Variants in VTI1A observed in about 807,000 individuals in gnomAD.
VTI1A encodes the protein vesicle transport through interaction with t-SNAREs homolog 1A.
Under a neutral mutation model 34.9 loss-of-function variants are expected in VTI1A, and 22 were observed. The observed-to-expected ratio is 0.63, with a 90% CI of 0.45 to 0.90. The LOEUF (loss-of-function observed/expected upper bound fraction) is 0.90. VTI1A is among the 40% of genes least tolerant of loss of function. The pLI, the probability that VTI1A is intolerant of heterozygous loss-of-function variation, is 0.00. For synonymous variants in VTI1A, 87 were observed against 97.3 expected (o/e 0.89, Z 0.62); for missense variants, 268 against 275.6 (o/e 0.97, Z 0.20).
intron 3 of VTI1A, among the ~76,000 whole-genome samples, chr10:112,487,723 A>G (rs1446191906): frequency 1.3e-5 from 2 of 152,062 alleles, no homozygotes; most frequent in African/African-American, 4.8e-5. Context: ...CATTACTCCA[A>G]CTTAGTCTTT....
chr10:112,471,145 T>C (rs1400726224), intron 3 of VTI1A, among the ~76,000 whole-genome samples: 8 of 152,142 alleles, frequency 5.3e-5, no homozygotes, highest in Non-Finnish European at 1.5e-5. Flanking sequence ...TATTTTGGGG[T>C]GGCATATTTT....
chr10:112,755,229 C>T (rs1003995299), intron 7 of VTI1A, among the ~76,000 whole-genome samples: 2 of 151,902 alleles, frequency 1.3e-5, no homozygotes, highest in Non-Finnish European at 2.9e-5. Context: ...GCACTCCAGC[C>T]TGGGTGACAG....
chr10:112,535,176 TG>T (rs1186767824), intron 4 of VTI1A, among the ~76,000 whole-genome samples: 2 of 152,250 alleles, frequency 1.3e-5, no homozygotes, highest in African/African-American at 4.8e-5. Context: ...CTGGAATTCA[TG>T]TTTCTGAAAC....
intron 3 of VTI1A, among the ~76,000 whole-genome samples, chr10:112,495,916 A>G (rs1849000928): frequency 1.3e-5 from 2 of 152,206 alleles, no homozygotes; most frequent in Non-Finnish European, 2.9e-5. Context: ...AAAAGAGGGC[A>G]TTTTAACCAA....
intron 4 of VTI1A, among the ~76,000 whole-genome samples, chr10:112,528,408 T>C (rs1159826133): frequency 6.6e-6 from 1 of 152,034 alleles, no homozygotes; most frequent in African/African-American, 2.4e-5. Flanking sequence ...TCCTCCACTA[T>C]TTGGATGTTA....
intron 5 of VTI1A, among the ~76,000 whole-genome samples, chr10:112,561,929 C>G (rs1314049137): frequency 2.0e-5 from 3 of 152,088 alleles, no homozygotes; most frequent in African/African-American, 7.2e-5. Flanking sequence ...TTTCACTCCC[C>G]CAAAATTAAA....
intron 7 of VTI1A, among the ~76,000 whole-genome samples, chr10:112,743,459 C>T (rs763547851): frequency 1.3e-5 from 2 of 152,196 alleles, no homozygotes; most frequent in East Asian, 1.9e-4. Flanking sequence ...TGGTAAGGAC[C>T]GGGCTAGTCC....
the VTI1A span, chr10:112,825,485 G>A: frequency 6.6e-6 from 1 of 152,386 alleles, no homozygotes; most frequent in African/African-American, 2.4e-5. Flanking sequence ...GTGTGTCCTG[G>A]TACAAAATTT....
intron 5 of VTI1A, among the ~76,000 whole-genome samples, chr10:112,606,330 G>T (rs567760725): frequency 6.6e-6 from 1 of 151,738 alleles, no homozygotes; most frequent in African/African-American, 2.4e-5. Context: ...CGGCCATTGC[G>T]TGCTATTCTG....
downstream of VTI1A, among the ~76,000 whole-genome samples, chr10:112,822,154 A>G (rs4083480): frequency 0.78 from 119,164 of 151,990 alleles, 47,206 homozygotes; most frequent in African/African-American, 0.9. Context: ...TTTGGGAGAA[A>G]GGTTAGAAGG....
intron 5 of VTI1A, among the ~76,000 whole-genome samples, chr10:112,633,403 A>G (rs1003138920): frequency 2.6e-5 from 4 of 152,214 alleles, no homozygotes; most frequent in Non-Finnish European, 5.9e-5. Flanking sequence ...TCCATCTTAC[A>G]GGAGAGAGCT....
intron 7 of VTI1A, among the ~76,000 whole-genome samples, chr10:112,766,084 A>G (rs1851638321): frequency 6.6e-6 from 1 of 152,234 alleles, no homozygotes; most frequent in African/African-American, 2.4e-5. Flanking sequence ...TGTCTGGAGA[A>G]GCAAGAGAAA....
chr10:112,618,698 A>G (rs1005421933), intron 5 of VTI1A, among the ~76,000 whole-genome samples: 8 of 151,892 alleles, frequency 5.3e-5, no homozygotes, highest in African/African-American at 1.9e-4. Flanking sequence ...GAACATGCAT[A>G]CCATAGATAG....
At chr10:112,780,125 A>C (rs1312046849) in intron 7 of VTI1A, among the ~76,000 whole-genome samples, 2 of 150,908 alleles carry the variant, frequency 1.3e-5, no homozygotes, top group African/African-American at 2.4e-5. Flanking sequence ...AAAAAAAAAA[A>C]AAAAAAGCAA....
intron 5 of VTI1A, among the ~76,000 whole-genome samples, chr10:112,559,981 G>T (rs986473366): frequency 2.0e-5 from 3 of 152,152 alleles, no homozygotes; most frequent in African/African-American, 7.2e-5. Flanking sequence ...CTAAAAACAT[G>T]CATCCTGCTT....
intron 7 of VTI1A, among the ~76,000 whole-genome samples, chr10:112,777,848 A>G (rs1481183979): frequency 6.6e-6 from 1 of 152,202 alleles, no homozygotes; most frequent in African/African-American, 2.4e-5. Context: ...CACGCCTGTA[A>G]TCCTAGCACT....
intron 7 of VTI1A, among the ~76,000 whole-genome samples, chr10:112,722,080 T>TG (rs1849828066): frequency 6.6e-6 from 1 of 152,206 alleles, no homozygotes; most frequent in Non-Finnish European, 1.5e-5. Context: ...AGTTTAGCTC[T>TG]GATACACTCT....
chr10:112,681,925 T>C (rs990808658), intron 7 of VTI1A, among the ~76,000 whole-genome samples: 1 of 152,188 alleles, frequency 6.6e-6, no homozygotes, highest in Non-Finnish European at 1.5e-5. Flanking sequence ...TTTTCATGTG[T>C]CCCAATTAAA....
At chr10:112,538,374 C>T (rs1850734065) in intron 5 of VTI1A, 44 bp downstream of exon 5, 1 of 1,543,140 alleles carries the variant, frequency 6.5e-7, no homozygotes. Context: ...TTATGCACAG[C>T]AGTCTTCACA....
Sources: allele counts gnomAD v4.1 joint callset (sites outside exome capture counted in the v4.1 genomes callset), GRCh38; gene constraint gnomAD v4.1.1; transcripts MANE v1.5; gene names NCBI Gene and HGNC (gene_info 2026-07-23, HGNC 2026-07-21).